The following SYN3 variants were observed in gnomAD, a reference collection of about 807,000 sequenced individuals.
SYN3 encodes the protein synapsin-3.
Under a neutral mutation model 65.8 loss-of-function variants are expected in SYN3, and 35 were observed. The observed-to-expected ratio is 0.53, with a 90% CI of 0.41 to 0.70. SYN3 has a LOEUF of 0.70. Among genes scored for constraint, SYN3 ranks in the 30% least tolerant of loss-of-function variants. SYN3 has a pLI of 0.00. For synonymous variants in SYN3, 270 were observed against 292.9 expected (o/e 0.92, Z 0.80); for missense variants, 680 against 749.0 (o/e 0.91, Z 1.08).
intron 1 of SYN3, among the ~76,000 whole-genome samples, chr22:33,040,880 A>G (rs1212565024): frequency 1.3e-5 from 2 of 152,082 alleles, no homozygotes; most frequent in African/African-American, 2.4e-5. Flanking sequence ...CTGTGAGTCA[A>G]TTAAACCTCT....
intron 1 of SYN3, among the ~76,000 whole-genome samples, chr22:33,040,558 C>T (rs1159135985): frequency 6.6e-6 from 1 of 152,166 alleles, no homozygotes; most frequent in East Asian, 1.9e-4. Context: ...ACTACAGTTG[C>T]TCCTCGATAT....
intron 12 of SYN3, among the ~76,000 whole-genome samples, chr22:32,524,870 A>G (rs981681770): frequency 6.6e-6 from 1 of 152,110 alleles, no homozygotes; most frequent in Admixed American, 6.5e-5. Context: ...TTAGCTGGGC[A>G]TGGTGGCGCG....
intron 6 of SYN3, among the ~76,000 whole-genome samples, chr22:32,727,466 A>T (rs1019754335): frequency 9.9e-5 from 15 of 152,218 alleles, no homozygotes; most frequent in Non-Finnish European, 2.1e-4. Flanking sequence ...CTGCATACAC[A>T]TATCTTTATA....
intron 7 of SYN3, among the ~76,000 whole-genome samples, chr22:32,585,901 T>TAGAC (rs1357532900): frequency 4.8e-5 from 3 of 61,924 alleles, no homozygotes; most frequent in African/African-American, 1.1e-4. Context: ...TATACGTATA[T>TAGAC]ATGTGTATGT....
chr22:32,974,921 C>T lies in SYN3; in HGVS notation c.369+5724G>A, dbSNP rs537943206. On this transcript the variant is annotated intron_variant, in intron 3 of 13. Transcript: ENST00000358763. ...ATTTAGAGATGTTTTAGGTAAAAAGCAAACACAGCTAAAATATGACTGAGC... is the reference window on the plus strand; with the variant it reads ...ATTTAGAGATGTTTTAGGTAAAAAGTAAACACAGCTAAAATATGACTGAGC... Among the ~76,000 whole-genome samples the T allele has an allele frequency of 2.6e-5, 4 of 152,276 alleles. No individual in the cohort carries two copies. The South Asian group carries it at 6.2e-4, about 24-fold the overall frequency.
chr22:32,996,001 C>G (rs910784762), intron 2 of SYN3, among the ~76,000 whole-genome samples: 12 of 152,156 alleles, frequency 7.9e-5, no homozygotes, highest in Non-Finnish European at 1.3e-4. Context: ...CCAGCTGCAC[C>G]AGAAGGAGGA....
chr22:32,805,018 C>T (rs9609635), intron 6 of SYN3, among the ~76,000 whole-genome samples: 52,674 of 117,938 alleles, frequency 0.45, 9,428 homozygotes, highest in East Asian at 0.51. Flanking sequence ...TGAAAATGTG[C>T]GTGTGTGCGT....
chr22:32,971,186 C>A (rs1323807891), intron 3 of SYN3, among the ~76,000 whole-genome samples: 3 of 152,096 alleles, frequency 2.0e-5, no homozygotes, highest in Non-Finnish European at 4.4e-5. Flanking sequence ...AAAGGTAGAC[C>A]CAGGAAGCTG....
intron 6 of SYN3, among the ~76,000 whole-genome samples, chr22:32,602,059 G>T (rs2710391): frequency 0.051 from 7,682 of 151,434 alleles, 679 homozygotes; most frequent in African/African-American, 0.18. Flanking sequence ...TGTTTGCATT[G>T]GTCCACATTA....
At chr22:32,663,718 G>A (rs957748597) in intron 6 of SYN3, among the ~76,000 whole-genome samples, 3 of 152,196 alleles carry the variant, frequency 2.0e-5, no homozygotes, top group Middle Eastern at 3.4e-3. Context: ...TATTGATTCT[G>A]CTTATGAGTT....
At chr22:32,796,021 C>G (rs2046419809) in intron 6 of SYN3, among the ~76,000 whole-genome samples, 2 of 152,170 alleles carry the variant, frequency 1.3e-5, no homozygotes, top group African/African-American at 2.4e-5. Context: ...TGTGTATTCT[C>G]TGTGTGAAGC....
rs952590675 is a variant in SYN3 at position 32,986,699 on chromosome 22, C to T, written c.312-5997G>A. Among the ~76,000 whole-genome samples, 7 of 152,270 alleles carry T rather than the reference C, an allele frequency of 4.6e-5. 1 individual carries two copies. The highest frequency in any genetic ancestry group is 3.9e-4 in the East Asian group (2 of 5,186). ...TTTGACCTCAGGCAAAATGGATGGA[C>T]CCGCTGTGCCTAAGGGCTCTGTCTC... On this transcript the variant is annotated intron_variant, in intron 2 of 13. Coordinates refer to ENST00000358763, the MANE Select transcript of SYN3 (RefSeq NM_003490.4).
intron 4 of SYN3, among the ~76,000 whole-genome samples, chr22:32,887,901 A>G (rs1168638745): frequency 1.3e-5 from 2 of 152,180 alleles, no homozygotes; most frequent in Non-Finnish European, 2.9e-5. Context: ...GTGCCTATAT[A>G]TTTAACTTTA....
intron 6 of SYN3, among the ~76,000 whole-genome samples, chr22:32,729,321 CGT>C (rs1322181784): frequency 6.6e-6 from 1 of 152,190 alleles, no homozygotes; most frequent in East Asian, 1.9e-4. Flanking sequence ...GGGGCAAAAG[CGT>C]GATCCCGATT....
At chr22:32,635,719 C>A (rs574348909) in intron 6 of SYN3, among the ~76,000 whole-genome samples, 2 of 152,264 alleles carry the variant, frequency 1.3e-5, no homozygotes, top group Non-Finnish European at 2.9e-5. Flanking sequence ...TTGACGGTTG[C>A]TCTCTGGGAC....
intron 1 of SYN3, among the ~76,000 whole-genome samples, chr22:33,037,034 C>T (rs779530394): frequency 6.6e-6 from 1 of 152,108 alleles, no homozygotes; most frequent in African/African-American, 2.4e-5. Flanking sequence ...GAACTCCCAG[C>T]GCTTCCAAGT....
intron 6 of SYN3, among the ~76,000 whole-genome samples, chr22:32,730,230 C>T (rs1186646216): frequency 1.3e-5 from 2 of 152,210 alleles, no homozygotes; most frequent in Non-Finnish European, 2.9e-5. Context: ...TATATTTCAT[C>T]CCATTGGCCT....
At chr22:32,728,940 G>A (rs1483822708) in intron 6 of SYN3, among the ~76,000 whole-genome samples, 1 of 152,224 alleles carries the variant, frequency 6.6e-6, no homozygotes, top group Non-Finnish European at 1.5e-5. Context: ...ATGCAGGAAA[G>A]CAATGTCTGT....
intron 6 of SYN3, among the ~76,000 whole-genome samples, chr22:32,698,057 C>T (rs183193974): frequency 4.1e-4 from 63 of 152,172 alleles, no homozygotes; most frequent in African/African-American, 1.4e-3. Context: ...CCTAGCTGAC[C>T]CCAGATTCAT....
Sources: gnomAD v4.1 joint callset for allele counts (sites outside exome capture counted in the v4.1 genomes callset) on GRCh38, gnomAD v4.1.1 for gene constraint, MANE v1.5 for transcripts, NCBI Gene and HGNC (gene_info 2026-07-23, HGNC 2026-07-21) for gene names.